Variants in BABAM2 observed in about 807,000 individuals in gnomAD.
The protein encoded by BABAM2 is BRISC and BRCA1 A complex member 2.
BABAM2 carries 31 observed loss-of-function variants against 54.7 expected under a neutral mutation model. That is an observed-to-expected ratio of 0.57 (90% CI 0.43 to 0.77). The LOEUF (loss-of-function observed/expected upper bound fraction) is 0.77, where lower values mean the gene tolerates loss of function less well. BABAM2 is among the 30% of genes least tolerant of loss of function. The pLI, the probability that BABAM2 is intolerant of heterozygous loss-of-function variation, is 0.00. For synonymous variants in BABAM2, 167 were observed against 162.9 expected (o/e 1.03, Z -0.19); for missense variants, 364 against 455.8 (o/e 0.80, Z 1.83).
intron 7 of BABAM2, among the ~76,000 whole-genome samples, chr2:28,167,667 C>G (rs1386282142): frequency 6.6e-6 from 1 of 150,888 alleles, no homozygotes. Context: ...ACACTCCAGC[C>G]TGGGCGACAG....
At chr2:28,063,622 A>G (rs1272726673) in intron 6 of BABAM2, among the ~76,000 whole-genome samples, 2 of 152,254 alleles carry the variant, frequency 1.3e-5, no homozygotes, top group Non-Finnish European at 2.9e-5. Flanking sequence ...AACATGGAAA[A>G]TGATGAGTGA....
chr2:28,248,216 T>TTTTTTTC, intron 10 of BABAM2, among the ~76,000 whole-genome samples: 1 of 132,312 alleles, frequency 7.6e-6, no homozygotes, highest in African/African-American at 2.7e-5. Flanking sequence ...TCTTTTTTTT[T>TTTTTTTC]TTTTTTTTTT....
intron 2 of BABAM2, among the ~76,000 whole-genome samples, chr2:27,906,260 G>T (rs1666181863): frequency 6.6e-6 from 1 of 152,124 alleles, no homozygotes; most frequent in Non-Finnish European, 1.5e-5. Flanking sequence ...TTTACTGAGG[G>T]CAGGATGTCC....
chr2:28,209,047 TAAATTAGGTCTGAGGGTCCCTAGC>T (rs1679183785), intron 7 of BABAM2, among the ~76,000 whole-genome samples: 1 of 152,192 alleles, frequency 6.6e-6, no homozygotes, highest in Non-Finnish European at 1.5e-5. Context: ...ACAGTGAGGC[TAAATTAGGTCTGAGGGTCCCTAGC>T]AAATTATTTG....
chr2:27,950,974 G>A (rs531038219), intron 3 of BABAM2, among the ~76,000 whole-genome samples: 2 of 152,120 alleles, frequency 1.3e-5, no homozygotes, highest in South Asian at 4.1e-4. Context: ...AAAAAAATGT[G>A]TAAAATTTGT....
rs1558347355 is a variant in BABAM2 at position 28,112,193 on chromosome 2, C to CCTTCCTTCCTTCCTTCCTTCCTTCCTT, written c.571-17077_571-17076insTTCCTTCCTTCCTTCCTTCCTTCCTTC. ...TCCCTCCCTCCCTCCCTCCCTCCCTCCCTCCCTTCCTTCCTTCCTTCCTTC... is the reference window on the plus strand; with the variant it reads ...TCCCTCCCTCCCTCCCTCCCTCCCTCCTTCCTTCCTTCCTTCCTTCCTTCCTTCCTCCCTTCCTTCCTTCCTTCCTTC... On this transcript the variant is annotated intron_variant, in intron 6 of 11. Transcript: ENST00000379624. Among the ~76,000 whole-genome samples, 24 of 30,764 alleles carry CCTTCCTTCCTTCCTTCCTTCCTTCCTT rather than the reference C, an allele frequency of 7.8e-4. 1 individual carries two copies. The highest frequency in any genetic ancestry group is 1.1e-3 in the African/African-American group (6 of 5,254). The allele number at this position is 30,764 out of a possible 152,430, so 20.2% of individuals were successfully genotyped here. A position where few individuals can be genotyped will look rare whatever the true frequency, so the allele number is the denominator to read the frequency against.
chr2:28,203,887 C>T (rs531481960), intron 7 of BABAM2, among the ~76,000 whole-genome samples: 71 of 152,148 alleles, frequency 4.7e-4, no homozygotes, highest in Admixed American at 1.4e-3. Context: ...ATTGCCCTTC[C>T]GGAAAGGCTG....
intron 6 of BABAM2, among the ~76,000 whole-genome samples, chr2:28,047,264 G>C (rs1201021019): frequency 1.3e-5 from 2 of 152,096 alleles, no homozygotes; most frequent in Non-Finnish European, 2.9e-5. Context: ...TAATTAATTT[G>C]ATTTTGGCAA....
intron 10 of BABAM2, among the ~76,000 whole-genome samples, chr2:28,269,747 A>C (rs574640282): frequency 2.0e-4 from 31 of 152,332 alleles, no homozygotes; most frequent in African/African-American, 7.5e-4. Flanking sequence ...CAGAGCCCAT[A>C]AAAGGGAGGC....
intron 2 of BABAM2, among the ~76,000 whole-genome samples, chr2:27,926,495 C>T (rs998857195): frequency 1.3e-5 from 2 of 152,166 alleles, no homozygotes; most frequent in African/African-American, 2.4e-5. Context: ...ATTCAGTTTT[C>T]GGATTTCACC....
chr2:28,101,672 C>T (rs1315082295), intron 6 of BABAM2, among the ~76,000 whole-genome samples: 1 of 152,096 alleles, frequency 6.6e-6, no homozygotes, highest in Admixed American at 6.5e-5. Context: ...TTATCTCACC[C>T]TCTTAGAATT....
chr2:28,182,549 G>A (rs1558413611), intron 7 of BABAM2, among the ~76,000 whole-genome samples: 1 of 152,186 alleles, frequency 6.6e-6, no homozygotes, highest in African/African-American at 2.4e-5. Flanking sequence ...CTAGATAGTG[G>A]CAGTGGTAGG....
intron 2 of BABAM2, among the ~76,000 whole-genome samples, chr2:27,907,589 T>G (rs1558577356): frequency 6.6e-6 from 1 of 152,222 alleles, no homozygotes; most frequent in Non-Finnish European, 1.5e-5. Flanking sequence ...TGGCATTAAG[T>G]ACATCACAAA....
At chr2:28,001,176 GATTTTACTGATGTCTTCAACTCTT>G (rs1673552702) in intron 4 of BABAM2, among the ~76,000 whole-genome samples, 1 of 152,166 alleles carries the variant, frequency 6.6e-6, no homozygotes, top group Non-Finnish European at 1.5e-5. Context: ...AGGGAAACAT[GATTTTACTGATGTCTTCAACTCTT>G]ATCTACTTCC....
intron 11 of BABAM2, among the ~76,000 whole-genome samples, chr2:28,318,669 G>T (rs185192045): frequency 6.6e-6 from 1 of 152,196 alleles, no homozygotes; most frequent in African/African-American, 2.4e-5. Flanking sequence ...TTATTTTGCC[G>T]TGTTTTTACG....
chr2:28,207,842 A>G (rs1679033902), intron 7 of BABAM2, among the ~76,000 whole-genome samples: 1 of 152,140 alleles, frequency 6.6e-6, no homozygotes, highest in Non-Finnish European at 1.5e-5. Context: ...TGTCTAGTTC[A>G]CTGTTAATTA....
intron 11 of BABAM2, among the ~76,000 whole-genome samples, chr2:28,312,373 T>TCATTATATACAGAGTATGTACA (rs1689162162): frequency 6.6e-6 from 1 of 152,132 alleles, no homozygotes; most frequent in Admixed American, 6.5e-5. Context: ...ACCATCCAGC[T>TCATTATATACAGAGTATGTACA]CATTATATAC....
intron 6 of BABAM2, among the ~76,000 whole-genome samples, chr2:28,113,096 A>G (rs1210262072): frequency 6.6e-6 from 1 of 152,018 alleles, no homozygotes; most frequent in Non-Finnish European, 1.5e-5. Flanking sequence ...TAGATTCTGG[A>G]TATTAGCTCT....
chr2:27,982,841 G>A (rs1437395346), intron 3 of BABAM2, among the ~76,000 whole-genome samples: 1 of 41,228 alleles, frequency 2.4e-5, no homozygotes. Context: ...ATTTCATTAT[G>A]TGTACACACA....
Sources: allele counts gnomAD v4.1 joint callset (sites outside exome capture counted in the v4.1 genomes callset), GRCh38; gene constraint gnomAD v4.1.1; transcripts MANE v1.5; gene names NCBI Gene and HGNC (gene_info 2026-07-23, HGNC 2026-07-21).